Variants in SI observed in about 807,000 individuals in gnomAD.
SI encodes sucrase-isomaltase, also known as sucrase-isomaltase, intestinal.
A neutral mutation model predicts 253.3 loss-of-function variants in SI; 235 were observed. That is an observed-to-expected ratio of 0.93 (90% CI 0.83 to 1.03). The LOEUF is 1.03. Among genes scored for constraint, SI ranks in the 50% least tolerant of loss-of-function variants. The pLI, the probability that SI is intolerant of heterozygous loss-of-function variation, is 0.00. For missense variants in SI, 2,442 were observed against 2,211.1 expected (o/e 1.10, Z -2.09); for synonymous variants, 819 against 712.0 (o/e 1.15, Z -2.39).
chr3:165,029,982 T>G (rs1252894618), intron 25 of SI, among the ~76,000 whole-genome samples: 1 of 150,666 alleles, frequency 6.6e-6, no homozygotes, highest in African/African-American at 2.4e-5. Flanking sequence ...GGATAATTTC[T>G]CTGGAGGCAG....
chr3:165,022,263 G>A (rs1156892076), intron 26 of SI, among the ~76,000 whole-genome samples: 1 of 151,230 alleles, frequency 6.6e-6, no homozygotes, highest in Non-Finnish European at 1.5e-5. Context: ...TTATTTTTAT[G>A]TTAGAAAATG....
Position 165,046,908 on chromosome 3 carries a change from G to T in SI, c.1820C>A (p.Ala607Asp). Residue 607 changes from alanine (A) to aspartate (D), a missense_variant, in exon 16 of 48, where the codon GCT becomes GAT. Transcript: ENST00000264382. ...AGACCATTCCATTTGTTCCCATGAA[G>T]CAGTATTGTCTCCTAACCAATGCGC... The part of the protein sequence containing the change: ...HAAHWLGDNT[A>D]SWEQMEWSIT... The T allele has an allele frequency of 6.2e-7, 1 of 1,613,116 alleles. No homozygotes were observed. Among genetic ancestry groups the T allele is most frequent in the Non-Finnish European group, 8.5e-7 (1 of 1,179,462 alleles).
chr3:165,054,624 G>A (rs1452455074), intron 13 of SI, among the ~76,000 whole-genome samples: 1 of 151,954 alleles, frequency 6.6e-6, no homozygotes, highest in African/African-American at 2.4e-5. Flanking sequence ...CAAAGTGCTG[G>A]GATTACATGC....
chr3:164,998,577 G>A lies in SI; in HGVS notation c.4503C>T (p.Asn1501=), dbSNP rs756938780. The part of the protein sequence containing the change: ...GRWGGHWLGD[N]YARWDNMDKS... ...TGTCCATGTTGTCCCATCGTGCATA[G>A]TTGTCTCCAAGCCAGTGTCCTCCCC... Residue 1501 remains asparagine, a synonymous_variant, in exon 38 of 48, where the codon AAC becomes AAT. Transcript: ENST00000264382. 5.6e-6 allele frequency: 9 copies of A among 1,612,234 alleles called. No individual in the cohort carries two copies. The highest frequency in any genetic ancestry group is 1.7e-5 in the Admixed American group (1 of 59,820).
chr3:164,998,430 T>C (rs1415707279), intron 38 of SI, 110 bp downstream of exon 38: 8 of 1,123,908 alleles, frequency 7.1e-6, no homozygotes, highest in Middle Eastern at 2.6e-4. Context: ...TAAAGTACGA[T>C]GTGAAGAACA....
intron 3 of SI, 197 bp downstream of exon 3, chr3:165,074,334 T>C (rs376314454): frequency 3.2e-6 from 1 of 309,572 alleles, no homozygotes; most frequent in East Asian, 5.5e-5. Context: ...TTAATTTAAA[T>C]TGAGCAGAGA....
chr3:165,074,694 T>C (rs767915596), intron 2 of SI, 27 bp from the exon 3 acceptor site: 1 of 1,574,246 alleles, frequency 6.4e-7, no homozygotes, highest in African/African-American at 1.4e-5. Context: ...CTCAATAAAA[T>C]AAAACATGAC....
chr3:164,996,714 G>T, intron 39 of SI, 24 bp downstream of exon 39: 1 of 1,230,502 alleles, frequency 8.1e-7, no homozygotes, highest in Non-Finnish European at 1.2e-6. Context: ...AATTTATGAA[G>T]ATAAAAGGAA....
At chr3:164,989,502 AAGAAG>A (rs758978518) in intron 44 of SI, among the ~76,000 whole-genome samples, 11 of 151,174 alleles carry the variant, frequency 7.3e-5, no homozygotes, top group Non-Finnish European at 1.5e-4. Flanking sequence ...TGAGAAGAGA[AAGAAG>A]AGAAGAGAAA....
At chr3:164,988,889 C>A (rs1034416386) in intron 44 of SI, among the ~76,000 whole-genome samples, 3 of 151,904 alleles carry the variant, frequency 2.0e-5, no homozygotes, top group African/African-American at 2.4e-5. Flanking sequence ...GGTTCTCAGG[C>A]AAATAAGAGA....
intron 44 of SI, 113 bp downstream of exon 44, chr3:164,991,240 G>T: frequency 1.8e-6 from 2 of 1,138,112 alleles, no homozygotes; most frequent in Non-Finnish European, 2.7e-6. Flanking sequence ...ACTGAGGCAG[G>T]CTAATGTACT....
At chr3:165,074,178 C>G (rs1002182179) in intron 3 of SI, among the ~76,000 whole-genome samples, 6 of 152,016 alleles carry the variant, frequency 3.9e-5, no homozygotes, top group African/African-American at 1.4e-4. Context: ...ATTACAAATA[C>G]TCTACTGGAA....
At chr3:165,080,917 TAAAG>T (rs1715297756), upstream of SI, among the ~76,000 whole-genome samples, 1 of 151,560 alleles carries the variant, frequency 6.6e-6, no homozygotes, top group Non-Finnish European at 1.5e-5. Context: ...AAGAAAGTCT[TAAAG>T]AAACAGACAG....
chr3:165,087,575 A>T, the SI span, among the ~76,000 whole-genome samples: 1 of 152,162 alleles, frequency 6.6e-6, no homozygotes, highest in East Asian at 1.9e-4. Flanking sequence ...TCATAGCAAC[A>T]GCAATATCCA....
intron 25 of SI, among the ~76,000 whole-genome samples, chr3:165,030,376 A>G (rs377262544): frequency 6.6e-6 from 1 of 150,924 alleles, no homozygotes; most frequent in African/African-American, 2.4e-5. Flanking sequence ...CACTACTGGC[A>G]TATCTTACCC....
At chr3:165,012,774 A>C (rs1162516096) in intron 34 of SI, among the ~76,000 whole-genome samples, 1 of 152,166 alleles carries the variant, frequency 6.6e-6, no homozygotes, top group East Asian at 1.9e-4. Context: ...TAAATAAAGC[A>C]AAATATAAAA....
At chr3:165,012,928 G>T in intron 34 of SI, 52 bp downstream of exon 34, 1 of 1,102,576 alleles carries the variant, frequency 9.1e-7, no homozygotes, top group Non-Finnish European at 1.4e-6. Context: ...AAATAATCAA[G>T]TCTAAGTTTT....
At chr3:164,989,088 T>TAATAAATA (rs143651827) in intron 44 of SI, among the ~76,000 whole-genome samples, 13 of 148,488 alleles carry the variant, frequency 8.8e-5, no homozygotes, top group African/African-American at 3.3e-4. Context: ...AGTATAATAA[T>TAATAAATA]AATAAATAAA....
upstream of SI, among the ~76,000 whole-genome samples, chr3:165,083,223 C>T (rs1248457024): frequency 6.6e-6 from 1 of 151,696 alleles, no homozygotes; most frequent in Admixed American, 6.6e-5. Context: ...TGTGGCTGTC[C>T]AGACTATGCT....
Sources: gnomAD v4.1 joint callset for allele counts (sites outside exome capture counted in the v4.1 genomes callset) on GRCh38, gnomAD v4.1.1 for gene constraint, MANE v1.5 for transcripts, NCBI Gene and HGNC (gene_info 2026-07-23, HGNC 2026-07-21) for gene names.